Variants in SORCS1 observed in about 807,000 individuals in gnomAD.
The protein encoded by SORCS1 is sortilin related VPS10 domain containing receptor 1.
Under a neutral mutation model 146.1 loss-of-function variants are expected in SORCS1, and 60 were observed. The ratio of observed to expected loss-of-function variants is 0.41; its 90% CI spans 0.33 to 0.51. The LOEUF is 0.51. Ranked by LOEUF, SORCS1 falls within the 20% of genes least tolerant of loss-of-function variation. The pLI is 0.21. For missense variants in SORCS1, 1,352 were observed against 1,487.6 expected, an observed-to-expected ratio of 0.91 and a Z score of 1.50; for synonymous variants, 637 against 584.0, an observed-to-expected ratio of 1.09 and a Z score of -1.31.
chr10:107,098,110 T>G (rs1163168840), intron 1 of SORCS1, among the ~76,000 whole-genome samples: 1 of 152,232 alleles, frequency 6.6e-6, no homozygotes. Context: ...AGCTGCAAAG[T>G]GGCCAATTTT....
chr10:106,803,101 A>G (rs1018210572), intron 3 of SORCS1, among the ~76,000 whole-genome samples: 1 of 152,144 alleles, frequency 6.6e-6, no homozygotes, highest in Admixed American at 6.5e-5. Flanking sequence ...AGTCTGTAAC[A>G]TATGTTGACA....
chr10:106,832,530 T>C (rs745802567), intron 2 of SORCS1, among the ~76,000 whole-genome samples: 1 of 152,082 alleles, frequency 6.6e-6, no homozygotes, highest in Non-Finnish European at 1.5e-5. Flanking sequence ...TCCATTCTTA[T>C]CTTAACCTCC....
intron 1 of SORCS1, among the ~76,000 whole-genome samples, chr10:106,987,854 A>C (rs778840347): frequency 2.6e-5 from 4 of 152,124 alleles, no homozygotes; most frequent in Non-Finnish European, 4.4e-5. Context: ...TAAGATAATA[A>C]TTTTTATTAT....
intron 3 of SORCS1, among the ~76,000 whole-genome samples, chr10:106,801,541 T>TA (rs1946874017): frequency 6.7e-6 from 1 of 149,456 alleles, no homozygotes; most frequent in Non-Finnish European, 1.5e-5. Flanking sequence ...TTTTTTTTTT[T>TA]TTTTTGAGAC....
intron 5 of SORCS1, among the ~76,000 whole-genome samples, chr10:106,759,536 C>A (rs1444147420): frequency 6.6e-6 from 1 of 152,164 alleles, no homozygotes; most frequent in Non-Finnish European, 1.5e-5. Context: ...CAAAATCACA[C>A]TAGAATGTTC....
chr10:107,078,434 T>G (rs1963061608), intron 1 of SORCS1, among the ~76,000 whole-genome samples: 1 of 152,206 alleles, frequency 6.6e-6, no homozygotes, highest in South Asian at 2.1e-4. Context: ...TTGTGGACAC[T>G]CAATTATAGG....
intron 5 of SORCS1, among the ~76,000 whole-genome samples, chr10:106,738,965 G>A (rs1182184338): frequency 1.3e-5 from 2 of 152,190 alleles, no homozygotes; most frequent in East Asian, 1.9e-4. Flanking sequence ...TGAGATGACA[G>A]GCGTGAGCCG....
At chr10:106,908,408 C>T (rs776683727) in intron 2 of SORCS1, among the ~76,000 whole-genome samples, 3 of 152,174 alleles carry the variant, frequency 2.0e-5, no homozygotes, top group Non-Finnish European at 4.4e-5. Context: ...AACAGCCTAT[C>T]AACACTGATA....
intron 6 of SORCS1, among the ~76,000 whole-genome samples, chr10:106,710,342 G>A (rs1318654104): frequency 6.6e-6 from 1 of 151,668 alleles, no homozygotes; most frequent in East Asian, 1.9e-4. Context: ...AGCTACTCAG[G>A]AGGCTGAGGC....
chr10:106,757,147 A>G (rs1439089216), intron 5 of SORCS1, among the ~76,000 whole-genome samples: 1 of 152,182 alleles, frequency 6.6e-6, no homozygotes, highest in Admixed American at 6.5e-5. Context: ...GCATGCCATA[A>G]TTATTTCACA....
chr10:106,916,969 C>A (rs1952475192), intron 2 of SORCS1, among the ~76,000 whole-genome samples: 1 of 152,206 alleles, frequency 6.6e-6, no homozygotes, highest in African/African-American at 2.4e-5. Flanking sequence ...TCTCGAACTC[C>A]TGACCTCAGA....
chr10:106,759,391 T>G (rs981741282), intron 5 of SORCS1, among the ~76,000 whole-genome samples: 1 of 152,106 alleles, frequency 6.6e-6, no homozygotes, highest in Non-Finnish European at 1.5e-5. Flanking sequence ...TGTAACACGG[T>G]TTATAGTAGT....
At chr10:106,614,406 T>G (rs1322008) in intron 21 of SORCS1, among the ~76,000 whole-genome samples, 9 of 152,276 alleles carry the variant, frequency 5.9e-5, no homozygotes, top group African/African-American at 2.2e-4. Flanking sequence ...AGACTCTGAC[T>G]TTATAAGGTA....
Position 106,688,304 on chromosome 10 carries a change from T to C in SORCS1, c.1448A>G (p.Lys483Arg), listed in dbSNP as rs772858053. The part of the protein sequence containing the change: ...AGIKGMFLAN[K>R]KIDNQVKTFI... ...AGTCTTCACTTGGTTGTCAATCTTC[T>C]TGTTAGCCAAGAACATTCCCTTTAT... The change falls in exon 10 of 26, where the codon AAG (lysine) becomes AGG (arginine). Residue 483 changes from lysine (K) to arginine (R), a missense_variant. Coordinates refer to ENST00000263054, the MANE Select transcript of SORCS1 (RefSeq NM_052918.5). The C allele has an allele frequency of 6.2e-6, 10 of 1,613,838 alleles. No individual in the cohort carries two copies. The East Asian group carries it at 6.7e-5, about 11-fold the overall frequency.
At chr10:106,946,300 TG>T (rs111989871) in intron 2 of SORCS1, among the ~76,000 whole-genome samples, 5 of 152,348 alleles carry the variant, frequency 3.3e-5, no homozygotes, top group African/African-American at 1.2e-4. Flanking sequence ...TCATAGTCTT[TG>T]GATTTCCAGG....
At chr10:106,754,381 G>A (rs536349208) in intron 5 of SORCS1, among the ~76,000 whole-genome samples, 3 of 152,280 alleles carry the variant, frequency 2.0e-5, no homozygotes, top group East Asian at 1.9e-4. Context: ...GAAGCCTATG[G>A]ATACAGTGGA....
At chr10:107,025,152 T>C (rs923924446) in intron 1 of SORCS1, among the ~76,000 whole-genome samples, 2 of 152,196 alleles carry the variant, frequency 1.3e-5, no homozygotes, top group Admixed American at 6.5e-5. Flanking sequence ...CACAGTCTTA[T>C]AAATGGGTTG....
At chr10:106,795,680 A>G (rs1262917864) in intron 3 of SORCS1, among the ~76,000 whole-genome samples, 1 of 152,216 alleles carries the variant, frequency 6.6e-6, no homozygotes, top group African/African-American at 2.4e-5. Context: ...TATAGGCATC[A>G]AGGTATTTGC....
intron 5 of SORCS1, among the ~76,000 whole-genome samples, chr10:106,734,423 C>T (rs1039423543): frequency 1.3e-5 from 2 of 152,170 alleles, no homozygotes; most frequent in Non-Finnish European, 2.9e-5. Flanking sequence ...GATGAACATA[C>T]TTTTGCACAG....
Sources: gnomAD v4.1 joint callset for allele counts (sites outside exome capture counted in the v4.1 genomes callset) on GRCh38, gnomAD v4.1.1 for gene constraint, MANE v1.5 for transcripts, NCBI Gene and HGNC (gene_info 2026-07-23, HGNC 2026-07-21) for gene names.